The following NEGR1 variants were observed in gnomAD, a reference collection of about 807,000 sequenced individuals.
NEGR1 encodes the protein neuronal growth regulator 1.
Under a neutral mutation model 40.9 loss-of-function variants are expected in NEGR1, and 10 were observed. The observed-to-expected ratio is 0.24, with a 90% CI of 0.15 to 0.42. The LOEUF (loss-of-function observed/expected upper bound fraction) is 0.42. Among genes scored for constraint, NEGR1 ranks in the 10% least tolerant of loss-of-function variants. The probability of loss-of-function intolerance (pLI) is 1.00; values close to 1 mark genes in which losing one functional copy is unlikely to be tolerated. For synonymous variants in NEGR1, 185 were observed against 166.8 expected (o/e 1.11, Z -0.84); for missense variants, 352 against 438.9 (o/e 0.80, Z 1.77).
At chr1:71,581,791 C>T (rs1460592658) in intron 6 of NEGR1, among the ~76,000 whole-genome samples, 1 of 151,808 alleles carries the variant, frequency 6.6e-6, no homozygotes, top group Admixed American at 6.6e-5. Flanking sequence ...CAGCCTTGAC[C>T]TTCTGGGCTC....
At chr1:71,462,504 C>G (rs1053841477) in intron 6 of NEGR1, among the ~76,000 whole-genome samples, 1 of 152,002 alleles carries the variant, frequency 6.6e-6, no homozygotes, top group African/African-American at 2.4e-5. Flanking sequence ...CCCCTACCAG[C>G]CTGGTGACTG....
At chr1:71,424,816 G>C (rs951116567) in intron 6 of NEGR1, among the ~76,000 whole-genome samples, 1 of 152,112 alleles carries the variant, frequency 6.6e-6, no homozygotes, top group East Asian at 1.9e-4. Context: ...ACTGGATCCT[G>C]AAAACACAAA....
At chr1:71,671,893 C>CTTTTTTTTTTTTTTTTTTTTTT (rs10708807) in intron 4 of NEGR1, among the ~76,000 whole-genome samples, 4 of 121,582 alleles carry the variant, frequency 3.3e-5, no homozygotes, top group Non-Finnish European at 5.2e-5. Flanking sequence ...CTCTCTCTCT[C>CTTTTTTTTTTTTTTTTTTTTTT]TTTTTTTTTT....
chr1:71,786,752 C>T (rs905297088), intron 2 of NEGR1, among the ~76,000 whole-genome samples: 3 of 152,198 alleles, frequency 2.0e-5, no homozygotes, highest in African/African-American at 7.2e-5. Flanking sequence ...AATAGGATCT[C>T]TCCCCTTCCC....
intron 1 of NEGR1, among the ~76,000 whole-genome samples, chr1:72,025,261 G>A (rs986436391): frequency 3.3e-5 from 5 of 151,922 alleles, no homozygotes; most frequent in Non-Finnish European, 7.4e-5. Context: ...TAATATTTCC[G>A]AGAAAAGGCC....
intron 5 of NEGR1, among the ~76,000 whole-genome samples, chr1:71,596,818 T>C (rs1649728165): frequency 1.3e-5 from 2 of 152,276 alleles, no homozygotes; most frequent in South Asian, 4.1e-4. Context: ...ATTCCTAATG[T>C]AGGACATATA....
intron 2 of NEGR1, among the ~76,000 whole-genome samples, chr1:71,853,644 T>A (rs1395870798): frequency 6.6e-6 from 1 of 152,142 alleles, no homozygotes; most frequent in Non-Finnish European, 1.5e-5. Context: ...GTATATTGAT[T>A]CTTTTTAATT....
chr1:71,509,982 C>T (rs1248229714), intron 6 of NEGR1, among the ~76,000 whole-genome samples: 2 of 152,162 alleles, frequency 1.3e-5, no homozygotes, highest in Non-Finnish European at 2.9e-5. Flanking sequence ...CACTTTCATT[C>T]TCAACAATAC....
At chr1:71,425,752 A>G (rs540842713) in intron 6 of NEGR1, among the ~76,000 whole-genome samples, 10 of 152,324 alleles carry the variant, frequency 6.6e-5, no homozygotes, top group African/African-American at 1.2e-4. Context: ...TTGTGGTCAA[A>G]TAATAAATAC....
intron 2 of NEGR1, among the ~76,000 whole-genome samples, chr1:71,896,897 T>C (rs1273259887): frequency 6.6e-6 from 1 of 152,146 alleles, no homozygotes; most frequent in Non-Finnish European, 1.5e-5. Context: ...ATTTAAATTA[T>C]TATGTCTGTT....
rs1013727720 is a variant in NEGR1, at chr1:71,401,320, G to T, written c.*6126C>A. Reference sequence around the variant, plus strand: ...CCTCTATTAGTACATTAATTTCAAGGTTTTTGATCTATAAATGTGTATGTT... The same window carrying T: ...CCTCTATTAGTACATTAATTTCAAGTTTTTTGATCTATAAATGTGTATGTT... On this transcript the variant is annotated 3_prime_UTR_variant, in exon 7 of 7. Coordinates refer to ENST00000357731, the MANE Select transcript of NEGR1 (RefSeq NM_173808.3). The T allele has an allele frequency of 6.6e-6, 1 of 152,054 alleles. No homozygotes were observed. The highest frequency in any genetic ancestry group is 2.1e-4 in the South Asian group (1 of 4,820). 9.4% of individuals were successfully genotyped at this position (152,054 alleles called of 1,614,324 possible).
chr1:72,212,788 A>C (rs1334514598), intron 1 of NEGR1, among the ~76,000 whole-genome samples: 1 of 151,972 alleles, frequency 6.6e-6, no homozygotes, highest in Non-Finnish European at 1.5e-5. Context: ...GAGCTAGATA[A>C]AAAGAAATAT....
At chr1:71,700,066 A>T (rs1311352715) in intron 3 of NEGR1, among the ~76,000 whole-genome samples, 1 of 151,968 alleles carries the variant, frequency 6.6e-6, no homozygotes, top group Non-Finnish European at 1.5e-5. Flanking sequence ...ATAATAGAAA[A>T]TTCAGAAAAT....
At chr1:71,907,459 T>A (rs529150514) in intron 2 of NEGR1, among the ~76,000 whole-genome samples, 14 of 152,226 alleles carry the variant, frequency 9.2e-5, no homozygotes, top group African/African-American at 3.1e-4. Flanking sequence ...CACAACGAAA[T>A]ACTGTCTCAC....
At chr1:72,188,166 G>T (rs1652680684) in intron 1 of NEGR1, among the ~76,000 whole-genome samples, 1 of 151,398 alleles carries the variant, frequency 6.6e-6, no homozygotes, top group Non-Finnish European at 1.5e-5. Context: ...TTCTCTAGTT[G>T]TAGCTGTGCT....
intron 2 of NEGR1, among the ~76,000 whole-genome samples, chr1:71,846,364 C>A (rs1245816841): frequency 4.1e-5 from 6 of 147,116 alleles, no homozygotes; most frequent in Non-Finnish European, 8.9e-5. Flanking sequence ...TTCAGCACTA[C>A]AAATACCCAC....
At chr1:72,255,606 G>C (rs1164190056) in intron 1 of NEGR1, among the ~76,000 whole-genome samples, 1 of 146,616 alleles carries the variant, frequency 6.8e-6, no homozygotes, top group African/African-American at 2.5e-5. Context: ...CTGGAGTGCA[G>C]TGGCATGATC....
chr1:72,274,419 C>CA (rs1258344898), intron 1 of NEGR1: 1 of 497,584 alleles, frequency 2.0e-6, no homozygotes, highest in Non-Finnish European at 3.7e-6. Context: ...TCCTGAACCT[C>CA]AAGAGGACAG....
intron 1 of NEGR1, among the ~76,000 whole-genome samples, chr1:72,105,133 T>G (rs1649087547): frequency 6.6e-6 from 1 of 152,106 alleles, no homozygotes; most frequent in African/African-American, 2.4e-5. Flanking sequence ...GACAATAAAT[T>G]CAATCTTTCC....
Sources: gnomAD v4.1 joint callset for allele counts (sites outside exome capture counted in the v4.1 genomes callset) on GRCh38, gnomAD v4.1.1 for gene constraint, MANE v1.5 for transcripts, NCBI Gene and HGNC (gene_info 2026-07-23, HGNC 2026-07-21) for gene names.